The following WDFY4 variants were observed in gnomAD, a reference collection of about 807,000 sequenced individuals.
WDFY4 encodes WD repeat- and FYVE domain-containing protein 4.
A neutral mutation model predicts 351.9 loss-of-function variants in WDFY4; 169 were observed. That is an observed-to-expected ratio of 0.48 (90% confidence interval 0.42 to 0.55). WDFY4 has a LOEUF of 0.55. Ranked by LOEUF, WDFY4 falls within the 20% of genes least tolerant of loss-of-function variation. The probability of loss-of-function intolerance (pLI) is 0.00; values close to 1 mark genes in which losing one functional copy is unlikely to be tolerated. For synonymous variants in WDFY4, 1,622 were observed against 1,574.6 expected (o/e 1.03, Z -0.71); for missense variants, 3,803 against 3,935.6 (o/e 0.97, Z 0.90).
chr10:48,833,141 ATGTGTGTGTG>A (rs1227956041), intron 39 of WDFY4, among the ~76,000 whole-genome samples: 1 of 141,626 alleles, frequency 7.1e-6, no homozygotes, highest in Admixed American at 7.1e-5. Context: ...GGCACCAACA[ATGTGTGTGTG>A]TGTGTGTGTG....
intron 47 of WDFY4, among the ~76,000 whole-genome samples, chr10:48,906,366 A>G (rs1206846198): frequency 4.6e-5 from 7 of 152,164 alleles, no homozygotes; most frequent in Non-Finnish European, 1.5e-5. Flanking sequence ...GGTTGCCTCC[A>G]TAACTATATA....
chr10:48,967,704 C>T (rs755321031), intron 55 of WDFY4: 18 of 152,310 alleles, frequency 1.2e-4, no homozygotes, highest in Admixed American at 5.2e-4. Context: ...GAGGGTGAGG[C>T]TGGGTTCCTA....
chr10:48,914,072 C>T (rs1021643943), intron 47 of WDFY4: 1 of 1,614,166 alleles, frequency 6.2e-7, no homozygotes, highest in Non-Finnish European at 8.5e-7. Context: ...GGCGCTTTTT[C>T]CCATCAAAAG....
chr10:48,814,821 T>C (rs142502431), intron 31 of WDFY4, among the ~76,000 whole-genome samples: 95 of 152,342 alleles, frequency 6.2e-4, no homozygotes, highest in African/African-American at 2.1e-3. Flanking sequence ...AAATGAGCAC[T>C]GTGAATTTGG....
intron 1 of WDFY4, among the ~76,000 whole-genome samples, chr10:48,704,267 C>T (rs2063562403): frequency 6.6e-6 from 1 of 152,168 alleles, no homozygotes; most frequent in Non-Finnish European, 1.5e-5. Flanking sequence ...GACCTGGACC[C>T]CTGCCTGTGA....
intron 39 of WDFY4, among the ~76,000 whole-genome samples, chr10:48,866,169 A>G (rs1419138502): frequency 6.6e-6 from 1 of 152,030 alleles, no homozygotes; most frequent in Admixed American, 6.5e-5. Context: ...CTTCAGATGG[A>G]AGTTTCAGAT....
At chr10:48,692,639 C>T (rs150260038) in intron 1 of WDFY4, among the ~76,000 whole-genome samples, 110 of 152,212 alleles carry the variant, frequency 7.2e-4, no homozygotes, top group African/African-American at 2.5e-3. Flanking sequence ...GGATGGGAGC[C>T]GCAGTTGTTA....
At chr10:48,856,843 T>C (rs1328392873) in intron 39 of WDFY4, among the ~76,000 whole-genome samples, 1 of 152,174 alleles carries the variant, frequency 6.6e-6, no homozygotes, top group Non-Finnish European at 1.5e-5. Context: ...ATAGAAAAAT[T>C]ATGCTGAAGT....
rs1842581770 is a variant in WDFY4, at chr10:48,976,661, A to T, written c.9109-136A>T. 4.2e-6 allele frequency: 3 copies of T among 712,634 alleles called. No individual in the cohort carries two copies. The African/African-American group carries it at 5.5e-5, about 13-fold the overall frequency. 44.1% of individuals were successfully genotyped at this position (712,634 alleles called of 1,614,324 possible). On this transcript the variant is annotated intron_variant, in intron 58 of 61. Coordinates refer to ENST00000325239, the MANE Select transcript of WDFY4 (RefSeq NM_001394531.1). ...CAGACCTGTAAGTCAGCTGGAAAGAAGTTTTGGGGTACCTTGGGGGTCTTC... is the reference window on the plus strand; with the variant it reads ...CAGACCTGTAAGTCAGCTGGAAAGATGTTTTGGGGTACCTTGGGGGTCTTC...
chr10:48,730,836 C>T (rs2377627), intron 8 of WDFY4, among the ~76,000 whole-genome samples: 43,945 of 152,000 alleles, frequency 0.29, 7,075 homozygotes, highest in South Asian at 0.44. Flanking sequence ...GCATCATTTC[C>T]TTTGTATTAT....
intron 28 of WDFY4, among the ~76,000 whole-genome samples, chr10:48,808,293 T>C (rs533572605): frequency 5.3e-5 from 8 of 152,204 alleles, no homozygotes; most frequent in Non-Finnish European, 1.0e-4. Flanking sequence ...TGGCAGACAA[T>C]AGAATGAAGA....
Position 48,957,240 on chromosome 10 carries a change from T to C in WDFY4, c.8089T>C (p.Tyr2697His), listed in dbSNP as rs1174219874. The C allele has an allele frequency of 1.3e-6, 2 of 1,551,614 alleles. No individual in the cohort carries two copies. The highest frequency in any genetic ancestry group is 1.7e-6 in the Non-Finnish European group (2 of 1,146,988). The change falls in exon 52 of 62, where the codon TAC becomes CAC. Residue 2697 changes from tyrosine to histidine, a missense_variant. Around this residue, in one of 3 missense-constraint regions of WDFY4, gnomAD observed 3,054 missense variants for 3,148.6 expected, o/e 0.97. Transcript: ENST00000325239. The stretch of plus-strand genomic sequence containing the variant: ...CAGGGAGCTGACCCCAGAGTTCTTC[T>C]ACCTGCCTGAGTTCTTAACCAACTG... The part of the protein sequence containing the change: ...DVRELTPEFF[Y>H]LPEFLTNCNG...
At chr10:48,780,280 CTT>C (rs2132655736) in intron 19 of WDFY4, among the ~76,000 whole-genome samples, 161 bp downstream of exon 19, 1 of 152,326 alleles carries the variant, frequency 6.6e-6, no homozygotes, top group East Asian at 1.9e-4. Flanking sequence ...GTTCAGGAAA[CTT>C]GGCTGAGTTC....
chr10:48,946,440 C>G (rs1203446532), intron 50 of WDFY4, among the ~76,000 whole-genome samples: 1 of 152,252 alleles, frequency 6.6e-6, no homozygotes, highest in African/African-American at 2.4e-5. Context: ...GGTAATGACT[C>G]CATGCCTAGG....
Position 48,876,937 on chromosome 10 carries a change from T to A in WDFY4, c.7001-96T>A, listed in dbSNP as rs189048497. ...GCTCTTCACTTCGGCCCTGGAGCCT[T>A]GCTGCTCCTTGGTGATGTAGGCACA... On this transcript the variant is annotated intron_variant, in intron 42 of 61. Transcript: ENST00000325239. 16 of 1,269,732 alleles carry A rather than the reference T, an allele frequency of 1.3e-5. No homozygotes were observed. The East Asian group carries it at 1.7e-4, about 13-fold the overall frequency. The allele number at this position is 1,269,732 out of a possible 1,614,324, so 78.7% of individuals were successfully genotyped here. A position where few individuals can be genotyped will look rare whatever the true frequency, so the allele number is the denominator to read the frequency against.
chr10:48,791,554 C>T (rs1295224685), intron 23 of WDFY4, among the ~76,000 whole-genome samples: 2 of 152,200 alleles, frequency 1.3e-5, no homozygotes, highest in East Asian at 1.9e-4. Flanking sequence ...TAGAGGAGCA[C>T]CTGCACACGG....
intron 12 of WDFY4, among the ~76,000 whole-genome samples, chr10:48,744,833 G>A (rs2064961739): frequency 6.6e-6 from 1 of 152,054 alleles, no homozygotes; most frequent in Non-Finnish European, 1.5e-5. Context: ...TCCATTTGTG[G>A]GCATCCGACT....
rs1263146697 is a variant in WDFY4 at position 48,817,262 on chromosome 10, G to A, written c.5358G>A (p.Glu1786=). The A allele has an allele frequency of 6.4e-7, 1 of 1,551,710 alleles. No homozygotes were observed. Among genetic ancestry groups the A allele is most frequent in the Non-Finnish European group, 8.7e-7 (1 of 1,147,020 alleles). The change falls in exon 32 of 62, where the codon GAG becomes GAA. Residue 1786 remains glutamate, a synonymous_variant. Transcript: ENST00000325239. ...ATMSQPLAGS[E]DGAWAQTFPA... ...TGCCTCAGCCCCTGGCAGGTTCTGA[G>A]GATGGTGCCTGGGCACAGACCTTCC... is the stretch of plus-strand genomic sequence containing the variant.
At chr10:48,886,594 G>T (rs1268785864) in intron 43 of WDFY4, among the ~76,000 whole-genome samples, 1 of 152,110 alleles carries the variant, frequency 6.6e-6, no homozygotes, top group Non-Finnish European at 1.5e-5. Flanking sequence ...CCATCATGGG[G>T]TGACCCTCAC....
Sources: gnomAD v4.1 joint callset for allele counts (sites outside exome capture counted in the v4.1 genomes callset) on GRCh38, gnomAD v4.1.1 for gene constraint, gnomAD v4.1.1 regional missense constraint, MANE v1.5 for transcripts, NCBI Gene and HGNC (gene_info 2026-07-23, HGNC 2026-07-21) for gene names.